Variants in SLC12A8 observed in about 807,000 individuals in gnomAD.
The protein encoded by SLC12A8 is cation-chloride cotransporter 9.
SLC12A8 carries 69 observed loss-of-function variants against 75.6 expected under a neutral mutation model. That is an observed-to-expected ratio of 0.91 (90% CI 0.75 to 1.11). The LOEUF (loss-of-function observed/expected upper bound fraction) is 1.11. Among genes scored for constraint, SLC12A8 ranks in the 50% most tolerant of loss-of-function variants. The pLI is 0.00. For missense variants in SLC12A8, 877 were observed against 896.7 expected, an observed-to-expected ratio of 0.98 and a Z score of 0.28; for synonymous variants, 365 against 372.8, an observed-to-expected ratio of 0.98 and a Z score of 0.24.
chr3:125,092,249 GT>G, intron 10 of SLC12A8, 51 bp from the exon 11 acceptor site: 1 of 1,345,904 alleles, frequency 7.4e-7, no homozygotes, highest in Non-Finnish European at 1.1e-6. Context: ...ACTCTCTACT[GT>G]TTTTTAGGAA....
At chr3:125,188,961 A>C (rs1005004344) in intron 3 of SLC12A8, among the ~76,000 whole-genome samples, 4 of 152,178 alleles carry the variant, frequency 2.6e-5, no homozygotes, top group Non-Finnish European at 5.9e-5. Context: ...ACTATAAAGG[A>C]GCTTAAATCT....
intron 4 of SLC12A8, among the ~76,000 whole-genome samples, chr3:125,186,685 G>A (rs998604319): frequency 1.6e-4 from 25 of 152,204 alleles, no homozygotes; most frequent in Non-Finnish European, 2.9e-4. Flanking sequence ...GAGTGCCTCC[G>A]TCCATTCTGA....
chr3:125,091,413 A>T, intron 12 of SLC12A8, 26 bp downstream of exon 12: 1 of 1,477,790 alleles, frequency 6.8e-7, no homozygotes, highest in Non-Finnish European at 9.5e-7. Flanking sequence ...TGAGGGAACC[A>T]GTGGCAAAAT....
At chr3:125,152,122 C>CA (rs1933939191) in intron 5 of SLC12A8, among the ~76,000 whole-genome samples, 1 of 152,176 alleles carries the variant, frequency 6.6e-6, no homozygotes, top group Middle Eastern at 3.2e-3. Context: ...GTAATTGCTC[C>CA]AGAACTGCTC....
intron 5 of SLC12A8, 66 bp downstream of exon 5, chr3:125,177,677 C>T (rs1449853590): frequency 8.1e-6 from 11 of 1,357,922 alleles, no homozygotes; most frequent in Admixed American, 3.6e-5. Flanking sequence ...GGCAAACTCA[C>T]ACCTACAAAC....
At chr3:125,178,887 T>C (rs139889796) in intron 4 of SLC12A8, among the ~76,000 whole-genome samples, 1 of 152,368 alleles carries the variant, frequency 6.6e-6, no homozygotes, top group East Asian at 1.9e-4. Context: ...TGTTATATAA[T>C]CTTTTTTTAA....
At chr3:125,155,798 G>T in intron 5 of SLC12A8, among the ~76,000 whole-genome samples, 2 of 148,304 alleles carry the variant, frequency 1.3e-5, no homozygotes, top group Admixed American at 6.8e-5. Context: ...CTAAGAGCAG[G>T]GTAACAGTTG....
chr3:125,106,232 C>T (rs10934707), intron 10 of SLC12A8, among the ~76,000 whole-genome samples: 29,180 of 151,974 alleles, frequency 0.19, 3,026 homozygotes, highest in Middle Eastern at 0.33. Context: ...TTAAATTGTA[C>T]ACTTATTACA....
At chr3:125,160,356 T>A (rs1025854837) in intron 5 of SLC12A8, among the ~76,000 whole-genome samples, 1 of 152,236 alleles carries the variant, frequency 6.6e-6, no homozygotes, top group African/African-American at 2.4e-5. Context: ...AAGAGTTAAA[T>A]GAATTAATAC....
chr3:125,135,712 T>C lies in SLC12A8; in HGVS notation c.693A>G (p.Glu231=), dbSNP rs78995429. ...AAACCCCAAAGACAGTGAAAAAAGATTCCCCCGGGCTGTAATCGGGCAGCG... is the reference window on the plus strand; with the variant it reads ...AAACCCCAAAGACAGTGAAAAAAGACTCCCCCGGGCTGTAATCGGGCAGCG... The part of the protein sequence containing the change: ...NNTLPDYSPG[E]SFFTVFGVFF... Residue 231 remains glutamate (E), a synonymous_variant, in exon 6 of 14, where the codon GAA becomes GAG. Coordinates refer to ENST00000469902, the MANE Select transcript of SLC12A8 (RefSeq NM_024628.6). 1.3e-3 allele frequency: 2,102 copies of C among 1,609,840 alleles called. 3 individuals are homozygous for C. The highest frequency in any genetic ancestry group is 1.5e-3 in the Non-Finnish European group (1,801 of 1,177,412).
At position 125,091,489 on chromosome 3, in the gene SLC12A8, G is replaced by A; in HGVS notation, c.1871C>T (p.Ala624Val). ...WVYTLVNMGV[A>V]AIVYFYIGRA... ...GCCAATGTAGAAATACACGATGGCA[G>A]CAACACCCATGTTAACCAGGGTATA... The change falls in exon 12 of 14, where the codon GCT (alanine) becomes GTT (valine). Residue 624 changes from alanine to valine, a missense_variant. By Grantham distance (64) the Ala-to-Val change is moderately conservative. Coordinates refer to ENST00000469902, the MANE Select transcript of SLC12A8 (RefSeq NM_024628.6). 1 of 1,613,990 alleles carries A rather than the reference G, an allele frequency of 6.2e-7. No individual in the cohort carries two copies. Among genetic ancestry groups the A allele is most frequent in the East Asian group, 2.2e-5 (1 of 44,880 alleles).
intron 5 of SLC12A8, among the ~76,000 whole-genome samples, chr3:125,150,204 G>A (rs1933885768): frequency 6.6e-6 from 1 of 152,178 alleles, no homozygotes; most frequent in Non-Finnish European, 1.5e-5. Context: ...ACTAAAATGA[G>A]GGTGGGATGT....
chr3:125,099,543 A>T (rs912843371), intron 10 of SLC12A8, among the ~76,000 whole-genome samples: 3 of 152,202 alleles, frequency 2.0e-5, no homozygotes, highest in African/African-American at 7.2e-5. Context: ...AGCTGTTAAA[A>T]ATATATTTAA....
intron 5 of SLC12A8, among the ~76,000 whole-genome samples, chr3:125,138,116 G>T (rs1933538155): frequency 6.6e-6 from 1 of 152,196 alleles, no homozygotes; most frequent in Non-Finnish European, 1.5e-5. Context: ...AAAATCGGGG[G>T]AGGGGTCGGG....
chr3:125,116,762 T>G (rs907143272), intron 8 of SLC12A8, among the ~76,000 whole-genome samples: 2 of 152,136 alleles, frequency 1.3e-5, no homozygotes, highest in East Asian at 3.8e-4. Context: ...AAAGGAACTT[T>G]AGAAGCAGGC....
chr3:125,184,938 A>T (rs895646816), intron 4 of SLC12A8, among the ~76,000 whole-genome samples: 1 of 152,200 alleles, frequency 6.6e-6, no homozygotes, highest in African/African-American at 2.4e-5. Flanking sequence ...AAGGGGAGAC[A>T]TTACCACCAA....
chr3:125,087,093 CTTT>C (rs369422119), intron 13 of SLC12A8, among the ~76,000 whole-genome samples: 234 of 131,234 alleles, frequency 1.8e-3, no homozygotes, highest in African/African-American at 6.5e-3. Flanking sequence ...ATGTATTTCA[CTTT>C]TTTTTTTTTT....
chr3:125,161,592 C>T (rs971994556), intron 5 of SLC12A8, among the ~76,000 whole-genome samples: 24 of 151,876 alleles, frequency 1.6e-4, no homozygotes, highest in Non-Finnish European at 2.6e-4. Context: ...AGAGACTCTT[C>T]GTCCCAGCTA....
Position 125,143,296 on chromosome 3 carries a change from G to T in SLC12A8, c.623-7514C>A, listed in dbSNP as rs534200887. ...AAGTGTTTTGAAATAGAACTGAATCGGCTGTATTGCGTTGGACTGTTTTGA... is the reference window on the plus strand; with the variant it reads ...AAGTGTTTTGAAATAGAACTGAATCTGCTGTATTGCGTTGGACTGTTTTGA... On this transcript the variant is annotated intron_variant, in intron 5 of 13. Coordinates refer to ENST00000469902, the MANE Select transcript of SLC12A8 (RefSeq NM_024628.6). Among the ~76,000 whole-genome samples the T allele has an allele frequency of 2.6e-5, 4 of 152,212 alleles. 1 individual carries two copies. The highest frequency in any genetic ancestry group is 2.0e-4 in the Admixed American group (3 of 15,274).
Sources: allele counts gnomAD v4.1 joint callset (sites outside exome capture counted in the v4.1 genomes callset), GRCh38; gene constraint gnomAD v4.1.1; transcripts MANE v1.5; gene names NCBI Gene and HGNC (gene_info 2026-07-23, HGNC 2026-07-21).